The following PRKAR2A variants were observed in gnomAD, a reference collection of about 807,000 sequenced individuals.
PRKAR2A encodes cAMP-dependent protein kinase type II-alpha regulatory subunit.
PRKAR2A carries 29 observed loss-of-function variants against 51.9 expected under a neutral mutation model. The observed-to-expected ratio is 0.56, with a 90% confidence interval of 0.42 to 0.76. The LOEUF is 0.76. Ranked by LOEUF, PRKAR2A falls within the 30% of genes least tolerant of loss-of-function variation. The pLI, the probability that PRKAR2A is intolerant of heterozygous loss-of-function variation, is 0.00. For synonymous variants in PRKAR2A, 178 were observed against 186.2 expected, an observed-to-expected ratio of 0.96 and a Z score of 0.36; for missense variants, 445 against 512.1, an observed-to-expected ratio of 0.87 and a Z score of 1.26.
chr3:48,815,090 T>C (rs2107383613), intron 1 of PRKAR2A, among the ~76,000 whole-genome samples: 1 of 152,088 alleles, frequency 6.6e-6, no homozygotes, highest in South Asian at 2.1e-4. Flanking sequence ...ATTTTTGTAT[T>C]TTCAGTAGAG....
At chr3:48,824,066 C>A (rs1250762173) in intron 1 of PRKAR2A, among the ~76,000 whole-genome samples, 10 of 152,232 alleles carry the variant, frequency 6.6e-5, no homozygotes, top group African/African-American at 2.4e-4. Flanking sequence ...CATGGCGAAA[C>A]CCTGTCTCTA....
chr3:48,765,460 TTAAG>T (rs899004784), intron 6 of PRKAR2A, 111 bp from the exon 7 acceptor site: 50 of 734,546 alleles, frequency 6.8e-5, no homozygotes, highest in African/African-American at 9.0e-5. Context: ...ACTGTGTTAA[TTAAG>T]TGTTTAATGA....
intron 2 of PRKAR2A, among the ~76,000 whole-genome samples, chr3:48,802,328 G>A (rs566191418): frequency 1.5e-4 from 23 of 152,226 alleles, no homozygotes; most frequent in Non-Finnish European, 3.1e-4. Flanking sequence ...AGGCCACCTC[G>A]CCCAGCCTGA....
In PRKAR2A at chr3:48,749,840, C is replaced by G. The variant is rs1329049069; in HGVS notation, c.*1745G>C. 1 of 151,986 alleles carries G rather than the reference C, an allele frequency of 6.6e-6. No homozygotes were observed. Among genetic ancestry groups the G allele is most frequent in the Non-Finnish European group, 1.5e-5 (1 of 68,046 alleles). 9.4% of individuals were successfully genotyped at this position (151,986 alleles called of 1,614,324 possible). A position where few individuals can be genotyped will look rare whatever the true frequency, so the allele number is the denominator to read the frequency against. On this transcript the variant is annotated 3_prime_UTR_variant, in exon 11 of 11. Transcript: ENST00000265563. ...GTAAATGCCTGAGTCAGCTGACAAA[C>G]TCCATATACATGAATATGTCCAAGT...
chr3:48,824,603 A>C (rs188400132), intron 1 of PRKAR2A, among the ~76,000 whole-genome samples: 19 of 135,242 alleles, frequency 1.4e-4, no homozygotes, highest in African/African-American at 5.1e-4. Context: ...GAAAGAAAGA[A>C]AGAACCCTGC....
chr3:48,779,598 C>T lies in PRKAR2A; in HGVS notation c.542+3388G>A, dbSNP rs566411815. ...GAGTTCAAGACCAGCCTGGCCAACA[C>T]GGTGAAACCCCATCTCCACTAAAAT... On this transcript the variant is annotated intron_variant, in intron 5 of 10. Transcript: ENST00000265563. Among the ~76,000 whole-genome samples the T allele has an allele frequency of 1.9e-4, 28 of 150,968 alleles. 1 individual carries two copies. The South Asian group carries it at 5.4e-3, about 29-fold the overall frequency.
rs771219111 is a variant in PRKAR2A at position 48,773,052 on chromosome 3, T to C, written c.599A>G (p.Tyr200Cys). ...TTCTCCAAAACTGCCACGGTTGTCA[T>C]ATTGACCAACAGAGCGGGTTTGATT... ...KDNQTRSVGQ[Y>C]DNRGSFGELA... is the part of the protein sequence containing the mutation. The change falls in exon 6 of 11, where the codon TAT (tyrosine) becomes TGT (cysteine). Residue 200 changes from tyrosine (Y) to cysteine (C), a missense_variant. Physicochemically the swap from Tyr to Cys is radical, Grantham distance 194. Coordinates refer to ENST00000265563, the MANE Select transcript of PRKAR2A (RefSeq NM_004157.4). The C allele has an allele frequency of 1.1e-5, 18 of 1,613,670 alleles. No individual in the cohort carries two copies. Among genetic ancestry groups the C allele is most frequent in the African/African-American group, 1.3e-5 (1 of 74,902 alleles).
At chr3:48,799,458 G>A (rs1195701424) in intron 2 of PRKAR2A, among the ~76,000 whole-genome samples, 1 of 152,064 alleles carries the variant, frequency 6.6e-6, no homozygotes, top group African/African-American at 2.4e-5. Context: ...TTCAATATAT[G>A]AATTTGGGGG....
At chr3:48,823,081 T>C (rs1309133361) in intron 1 of PRKAR2A, among the ~76,000 whole-genome samples, 1 of 152,150 alleles carries the variant, frequency 6.6e-6, no homozygotes, top group Non-Finnish European at 1.5e-5. Flanking sequence ...CTTTTTTTTT[T>C]TTAACATAGA....
intron 1 of PRKAR2A, among the ~76,000 whole-genome samples, chr3:48,842,969 G>T (rs971948604): frequency 6.6e-6 from 1 of 152,032 alleles, no homozygotes; most frequent in African/African-American, 2.4e-5. Flanking sequence ...CCATTGATTG[G>T]AATAGTTTCA....
intron 1 of PRKAR2A, among the ~76,000 whole-genome samples, chr3:48,832,280 G>A (rs2083201234): frequency 7.1e-6 from 1 of 141,118 alleles, no homozygotes. Flanking sequence ...GGCAGCAAGA[G>A]TGAAAAACTT....
chr3:48,760,359 AAAAAC>A (rs544505910), intron 8 of PRKAR2A, among the ~76,000 whole-genome samples: 7 of 152,064 alleles, frequency 4.6e-5, no homozygotes, highest in South Asian at 2.1e-4. Context: ...CTCTGTCTCA[AAAAAC>A]AAAACAAAAC....
intron 1 of PRKAR2A, among the ~76,000 whole-genome samples, chr3:48,837,120 T>C (rs2083299438): frequency 6.6e-6 from 1 of 151,540 alleles, no homozygotes; most frequent in African/African-American, 2.4e-5. Context: ...AGAGACCCTG[T>C]CTCAAAAATA....
rs556199414 is a variant in PRKAR2A at position 48,752,381 on chromosome 3, C to T, written c.940-64G>A. The stretch of plus-strand genomic sequence containing the variant: ...GATCACAGCTGGGCATGTCCAGTTG[C>T]ACACACATACACTGTTCTCAGCATA... On this transcript the variant is annotated intron_variant, in intron 9 of 10. Coordinates refer to ENST00000265563, the MANE Select transcript of PRKAR2A (RefSeq NM_004157.4). The T allele has an allele frequency of 1.2e-5, 18 of 1,503,118 alleles. No individual in the cohort carries two copies. In the Admixed American group the frequency reaches 1.8e-4, roughly 15 times the overall value. The allele number at this position is 1,503,118 out of a possible 1,614,324, so 93.1% of individuals were successfully genotyped here.
chr3:48,785,046 A>C (rs2082265513), intron 4 of PRKAR2A, among the ~76,000 whole-genome samples: 1 of 152,016 alleles, frequency 6.6e-6, no homozygotes, highest in South Asian at 2.1e-4. Flanking sequence ...ACCAACATTA[A>C]ATTTCTTGGG....
At chr3:48,788,325 T>G (rs1336660399) in intron 4 of PRKAR2A, among the ~76,000 whole-genome samples, 2 of 151,780 alleles carry the variant, frequency 1.3e-5, no homozygotes, top group Non-Finnish European at 2.9e-5. Flanking sequence ...CACCGTGCCC[T>G]GCCAAATTTT....
intron 4 of PRKAR2A, among the ~76,000 whole-genome samples, chr3:48,784,362 G>A (rs969765757): frequency 6.6e-6 from 1 of 152,152 alleles, no homozygotes; most frequent in African/African-American, 2.4e-5. Flanking sequence ...TCACCAAAAA[G>A]TGTATTTAGT....
intron 1 of PRKAR2A, among the ~76,000 whole-genome samples, chr3:48,835,250 C>T (rs1021023852): frequency 6.6e-6 from 1 of 151,558 alleles, no homozygotes. Context: ...GGATTACAGG[C>T]GTGAGCCACT....
chr3:48,799,849 AAAG>A (rs1315883887), intron 2 of PRKAR2A, among the ~76,000 whole-genome samples: 4 of 152,150 alleles, frequency 2.6e-5, no homozygotes, highest in Admixed American at 2.0e-4. Flanking sequence ...TTTTTTTGAC[AAAG>A]AAGGTTTTTA....
Sources: gnomAD v4.1 joint callset for allele counts (sites outside exome capture counted in the v4.1 genomes callset) on GRCh38, gnomAD v4.1.1 for gene constraint, MANE v1.5 for transcripts, NCBI Gene and HGNC (gene_info 2026-07-23, HGNC 2026-07-21) for gene names.